Variants in BRINP3 observed in about 807,000 individuals in gnomAD.
BRINP3 encodes the protein BMP/retinoic acid inducible neural specific 3.
In BRINP3, 19 loss-of-function variants were observed where a neutral mutation model predicts 71.0. That is an observed-to-expected ratio of 0.27 (90% CI 0.19 to 0.39). The LOEUF is 0.39. BRINP3 is among the 10% of genes least tolerant of loss of function. BRINP3 has a pLI of 1.00. For missense variants in BRINP3, 959 were observed against 940.8 expected (o/e 1.02, Z -0.25); for synonymous variants, 380 against 337.7 (o/e 1.13, Z -1.37).
intron 2 of BRINP3, among the ~76,000 whole-genome samples, chr1:190,402,317 A>G (rs1167770553): frequency 1.3e-5 from 2 of 152,192 alleles, no homozygotes; most frequent in Non-Finnish European, 2.9e-5. Context: ...CTTCAAAATT[A>G]TAGAAATATA....
At chr1:190,393,357 T>A (rs565831677) in intron 2 of BRINP3, among the ~76,000 whole-genome samples, 124 of 151,664 alleles carry the variant, frequency 8.2e-4, no homozygotes, top group Non-Finnish European at 1.6e-3. Context: ...AATGGCCTTC[T>A]GCCTTCGGTG....
intron 6 of BRINP3, among the ~76,000 whole-genome samples, chr1:190,185,366 A>G (rs1297208839): frequency 6.6e-6 from 1 of 152,180 alleles, no homozygotes; most frequent in East Asian, 1.9e-4. Context: ...GTCCCTGGTC[A>G]TCAGGGAAAT....
chr1:190,275,950 T>G (rs1017797290), intron 3 of BRINP3, among the ~76,000 whole-genome samples: 2 of 147,842 alleles, frequency 1.4e-5, no homozygotes, highest in Non-Finnish European at 3.0e-5. Context: ...TGAAACATGA[T>G]ATATATATAT....
At chr1:190,407,084 C>A (rs1394661503) in intron 2 of BRINP3, among the ~76,000 whole-genome samples, 1 of 152,118 alleles carries the variant, frequency 6.6e-6, no homozygotes, top group African/African-American at 2.4e-5. Context: ...AAAAAGCACT[C>A]AATTTTATAG....
intron 6 of BRINP3, among the ~76,000 whole-genome samples, chr1:190,221,612 C>T (rs1335590714): frequency 1.3e-5 from 2 of 151,994 alleles, no homozygotes; most frequent in African/African-American, 2.4e-5. Context: ...CCAATTATAA[C>T]GTGTATAGTG....
intron 2 of BRINP3, among the ~76,000 whole-genome samples, chr1:190,360,689 A>G (rs1249019748): frequency 6.6e-6 from 1 of 152,020 alleles, no homozygotes; most frequent in Admixed American, 6.6e-5. Context: ...ACCAGGCTTT[A>G]TCGTTGCCTT....
chr1:190,309,099 A>T (rs1197382417), intron 2 of BRINP3, among the ~76,000 whole-genome samples: 4 of 151,920 alleles, frequency 2.6e-5, no homozygotes, highest in Non-Finnish European at 5.9e-5. Context: ...TACAAAATAA[A>T]ATATTATTCA....
chr1:190,115,409 T>C (rs539029987), intron 7 of BRINP3, among the ~76,000 whole-genome samples: 2 of 152,268 alleles, frequency 1.3e-5, no homozygotes, highest in Admixed American at 6.5e-5. Flanking sequence ...CACTGTGATA[T>C]TTAGAATAGA....
chr1:190,215,094 GAAA>G (rs5779515), intron 6 of BRINP3, among the ~76,000 whole-genome samples: 3 of 131,768 alleles, frequency 2.3e-5, no homozygotes, highest in African/African-American at 5.6e-5. Context: ...TAGCTATTAT[GAAA>G]AAAAAAAAAA....
intron 2 of BRINP3, among the ~76,000 whole-genome samples, chr1:190,322,071 A>G (rs1666283034): frequency 6.6e-6 from 1 of 152,152 alleles, no homozygotes; most frequent in Non-Finnish European, 1.5e-5. Context: ...ATTATTTCTC[A>G]TACATATATG....
chr1:190,341,174 T>A (rs1050126390), intron 2 of BRINP3, among the ~76,000 whole-genome samples: 1 of 151,846 alleles, frequency 6.6e-6, no homozygotes, highest in Non-Finnish European at 1.5e-5. Flanking sequence ...CAGCCACTAG[T>A]TAGTAATTTT....
intron 1 of BRINP3, among the ~76,000 whole-genome samples, chr1:190,459,823 A>G (rs1676262911): frequency 6.6e-6 from 1 of 152,072 alleles, no homozygotes; most frequent in Admixed American, 6.6e-5. Context: ...ATTTTGAATA[A>G]TGTAGAACCC....
chr1:190,148,318 C>A (rs896078610), intron 7 of BRINP3, among the ~76,000 whole-genome samples: 3 of 151,740 alleles, frequency 2.0e-5, no homozygotes, highest in African/African-American at 7.3e-5. Context: ...AAATTCTTGC[C>A]GGGTGCAGTG....
At chr1:190,209,257 A>G (rs1655780503) in intron 6 of BRINP3, among the ~76,000 whole-genome samples, 1 of 152,104 alleles carries the variant, frequency 6.6e-6, no homozygotes, top group Non-Finnish European at 1.5e-5. Context: ...TTCAACCACA[A>G]CTAAAAAGTT....
At chr1:190,138,460 T>C (rs1403526547) in intron 7 of BRINP3, among the ~76,000 whole-genome samples, 1 of 152,138 alleles carries the variant, frequency 6.6e-6, no homozygotes, top group Non-Finnish European at 1.5e-5. Flanking sequence ...ACAAGAAATA[T>C]CAGAAAGCAG....
At chr1:190,295,579 G>A (rs72729190) in intron 2 of BRINP3, among the ~76,000 whole-genome samples, 8,858 of 152,196 alleles carry the variant, frequency 0.058, 385 homozygotes, top group Non-Finnish European at 0.081. Context: ...GTCAGGTAGT[G>A]GTGAAGCAGG....
At chr1:190,121,051 C>T (rs1297481260) in intron 7 of BRINP3, among the ~76,000 whole-genome samples, 1 of 151,856 alleles carries the variant, frequency 6.6e-6, no homozygotes, top group Non-Finnish European at 1.5e-5. Context: ...ATGTTGTCAA[C>T]CAAAGTGAAA....
intron 2 of BRINP3, among the ~76,000 whole-genome samples, chr1:190,312,475 G>A (rs1308597954): frequency 6.6e-6 from 1 of 151,544 alleles, no homozygotes; most frequent in Non-Finnish European, 1.5e-5. Context: ...ATATTGAAAT[G>A]AATAGAGCAG....
chr1:190,198,482 T>G (rs1479016140), intron 6 of BRINP3, among the ~76,000 whole-genome samples: 1 of 152,132 alleles, frequency 6.6e-6, no homozygotes, highest in Admixed American at 6.6e-5. Context: ...TTTGTGAATA[T>G]ATACATAAAA....
Sources: gnomAD v4.1 joint callset for allele counts (sites outside exome capture counted in the v4.1 genomes callset) on GRCh38, gnomAD v4.1.1 for gene constraint, MANE v1.5 for transcripts, NCBI Gene and HGNC (gene_info 2026-07-23, HGNC 2026-07-21) for gene names.